ANO3: variants seen among roughly 807,000 people sequenced by gnomAD.
ANO3 encodes anoctamin-3.
ANO3 carries 99 observed loss-of-function variants against 144.8 expected under a neutral mutation model. That is an observed-to-expected ratio of 0.68 (90% CI 0.58 to 0.81). ANO3 has a LOEUF of 0.81. Ranked by LOEUF, ANO3 falls within the 30% of genes least tolerant of loss-of-function variation. The probability of loss-of-function intolerance (pLI) is 0.00; values close to 1 mark genes in which losing one functional copy is unlikely to be tolerated. For synonymous variants in ANO3, 414 were observed against 392.6 expected (o/e 1.05, Z -0.64); for missense variants, 905 against 1,202.2 (o/e 0.75, Z 3.66).
At chr11:26,592,303 C>T (rs1352846945) in intron 14 of ANO3, among the ~76,000 whole-genome samples, 1 of 151,946 alleles carries the variant, frequency 6.6e-6, no homozygotes, top group Non-Finnish European at 1.5e-5. Flanking sequence ...CTTTCATTTT[C>T]TCGGCTTTTC....
chr11:26,467,910 C>G (rs949169421), intron 4 of ANO3, among the ~76,000 whole-genome samples: 8 of 151,830 alleles, frequency 5.3e-5, no homozygotes, highest in Admixed American at 1.3e-4. Context: ...ACTGAAGGAC[C>G]TGGCCTGACT....
At chr11:26,370,254 G>T (rs1453121728) in intron 1 of ANO3, among the ~76,000 whole-genome samples, 1 of 152,136 alleles carries the variant, frequency 6.6e-6, no homozygotes, top group Non-Finnish European at 1.5e-5. Context: ...TTTATATGGG[G>T]CTTTCGCCTT....
intron 1 of ANO3, among the ~76,000 whole-genome samples, chr11:26,335,508 T>G (rs1855169368): frequency 6.6e-6 from 1 of 152,190 alleles, no homozygotes; most frequent in Non-Finnish European, 1.5e-5. Flanking sequence ...TGGAGTTAAC[T>G]ATCACAAACT....
intron 1 of ANO3, among the ~76,000 whole-genome samples, chr11:26,295,296 T>C (rs1854060476): frequency 6.6e-6 from 1 of 151,758 alleles, no homozygotes; most frequent in South Asian, 2.1e-4. Flanking sequence ...ACATCAAAAA[T>C]CATTTGAGTC....
At chr11:26,294,375 C>T (rs1854038045) in intron 1 of ANO3, among the ~76,000 whole-genome samples, 1 of 152,016 alleles carries the variant, frequency 6.6e-6, no homozygotes, top group Non-Finnish European at 1.5e-5. Context: ...CAAAATAGTG[C>T]TGTTTTGTTT....
At chr11:26,340,423 A>G (rs1398183528) in intron 1 of ANO3, among the ~76,000 whole-genome samples, 1 of 152,166 alleles carries the variant, frequency 6.6e-6, no homozygotes, top group Non-Finnish European at 1.5e-5. Flanking sequence ...TCATTTTCTT[A>G]CATCTATATG....
chr11:26,226,930 T>A (rs11029399), intron 1 of ANO3, among the ~76,000 whole-genome samples: 5 of 152,266 alleles, frequency 3.3e-5, no homozygotes, highest in Admixed American at 2.0e-4. Flanking sequence ...ACTCATTAGA[T>A]AATATCCTCA....
At chr11:26,399,923 T>C (rs996748627) in intron 1 of ANO3, among the ~76,000 whole-genome samples, 1 of 152,070 alleles carries the variant, frequency 6.6e-6, no homozygotes, top group Non-Finnish European at 1.5e-5. Context: ...AAACTACCCA[T>C]ATTCTACAGT....
chr11:26,350,377 G>C (rs1434615697), intron 1 of ANO3, among the ~76,000 whole-genome samples: 1 of 152,048 alleles, frequency 6.6e-6, no homozygotes. Flanking sequence ...AAATATATTT[G>C]TGCAATTATA....
intron 1 of ANO3, among the ~76,000 whole-genome samples, chr11:26,363,264 G>T (rs1361842541): frequency 6.6e-6 from 1 of 152,124 alleles, no homozygotes; most frequent in African/African-American, 2.4e-5. Context: ...ATCTTAATTT[G>T]TTGATGCCCA....
intron 1 of ANO3, among the ~76,000 whole-genome samples, chr11:26,289,985 G>A (rs538445831): frequency 6.6e-6 from 1 of 151,734 alleles, no homozygotes; most frequent in Admixed American, 6.6e-5. Flanking sequence ...GGAAGAAATG[G>A]TATCAGCTCC....
chr11:26,556,648 A>C (rs746272791), intron 13 of ANO3, among the ~76,000 whole-genome samples: 2 of 152,180 alleles, frequency 1.3e-5, no homozygotes, highest in Non-Finnish European at 2.9e-5. Context: ...TTTTTAAAAG[A>C]TACGTGGAGA....
At chr11:26,500,363 T>C (rs1168259000) in intron 4 of ANO3, among the ~76,000 whole-genome samples, 1 of 152,110 alleles carries the variant, frequency 6.6e-6, no homozygotes, top group African/African-American at 2.4e-5. Flanking sequence ...TGTTTAATAC[T>C]ATAAGAAATT....
At chr11:26,412,993 T>TAGGGGATAACTATTGTTCCAGAAGCCAG (rs1857473549) in intron 1 of ANO3, among the ~76,000 whole-genome samples, 1 of 151,988 alleles carries the variant, frequency 6.6e-6, no homozygotes, top group Non-Finnish European at 1.5e-5. Flanking sequence ...AATGAATTTT[T>TAGGGGATAACTATTGTTCCAGAAGCCAG]AGGGGATAAC....
At chr11:26,236,337 A>G (rs1314953351) in intron 1 of ANO3, among the ~76,000 whole-genome samples, 12 of 152,222 alleles carry the variant, frequency 7.9e-5, no homozygotes, top group Admixed American at 7.9e-4. Flanking sequence ...TTCTCTCAAA[A>G]AAGATTATAC....
chr11:26,301,640 A>G (rs1473011470), intron 1 of ANO3, among the ~76,000 whole-genome samples: 1 of 152,140 alleles, frequency 6.6e-6, no homozygotes, highest in East Asian at 1.9e-4. Context: ...GGATTGAGAG[A>G]TAGGGAAGGA....
At chr11:26,505,011 C>CAAAAAA (rs61530995) in intron 4 of ANO3, among the ~76,000 whole-genome samples, 9 of 63,686 alleles carry the variant, frequency 1.4e-4, no homozygotes, top group South Asian at 9.3e-4. Flanking sequence ...GACTCCACCT[C>CAAAAAA]AAAAAAAAAA....
intron 18 of ANO3, among the ~76,000 whole-genome samples, chr11:26,630,443 A>C (rs1852739440): frequency 6.6e-6 from 1 of 152,248 alleles, no homozygotes; most frequent in Non-Finnish European, 1.5e-5. Context: ...GAAAACATGA[A>C]CTTTCAGAGA....
At chr11:26,412,414 G>A (rs368455733) in intron 1 of ANO3, among the ~76,000 whole-genome samples, 16 of 152,040 alleles carry the variant, frequency 1.1e-4, no homozygotes, top group African/African-American at 3.9e-4. Flanking sequence ...TCAAAATAAT[G>A]AAAATGAGAC....
Sources: gnomAD v4.1 joint callset for allele counts (sites outside exome capture counted in the v4.1 genomes callset) on GRCh38, gnomAD v4.1.1 for gene constraint, MANE v1.5 for transcripts, NCBI Gene and HGNC (gene_info 2026-07-23, HGNC 2026-07-21) for gene names.